COL2A1: variants seen among roughly 807,000 people sequenced by gnomAD.
COL2A1 encodes the protein collagen type II alpha 1 chain.
COL2A1 carries 28 observed loss-of-function variants against 204.5 expected under a neutral mutation model. The ratio of observed to expected loss-of-function variants is 0.14; its 90% CI spans 0.10 to 0.19. The LOEUF (loss-of-function observed/expected upper bound fraction) is 0.19, where lower values mean the gene tolerates loss of function less well. Among genes scored for constraint, COL2A1 ranks in the 10% least tolerant of loss-of-function variants. The probability of loss-of-function intolerance (pLI) is 1.00; values close to 1 mark genes in which losing one functional copy is unlikely to be tolerated. For synonymous variants in COL2A1, 708 were observed against 718.7 expected, an observed-to-expected ratio of 0.99 and a Z score of 0.24; for missense variants, 1,388 against 2,027.5, an observed-to-expected ratio of 0.68 and a Z score of 6.06.
chr12:47,991,865 A>T (rs1939724713), intron 16 of COL2A1, among the ~76,000 whole-genome samples: 1 of 152,044 alleles, frequency 6.6e-6, no homozygotes, highest in African/African-American at 2.4e-5. Flanking sequence ...ACACAAAGTG[A>T]CCCTGGGGCA....
intron 21 of COL2A1, 82 bp from the exon 22 acceptor site, chr12:47,986,970 C>G: frequency 1.3e-6 from 2 of 1,594,436 alleles, no homozygotes; most frequent in African/African-American, 2.7e-5. Flanking sequence ...AAGATGCCCT[C>G]GGATGGAGGC....
At chr12:47,977,975 C>A in intron 44 of COL2A1, 35 bp downstream of exon 44, 1 of 1,574,470 alleles carries the variant, frequency 6.4e-7, no homozygotes, top group Non-Finnish European at 8.7e-7. Context: ...CCCCTCTCCC[C>A]AATCAGGGCC....
chr12:47,995,016 G>A (rs1002250566), intron 11 of COL2A1, among the ~76,000 whole-genome samples: 3 of 151,982 alleles, frequency 2.0e-5, no homozygotes, highest in Non-Finnish European at 2.9e-5. Flanking sequence ...CCCTTCCTGG[G>A]GCTAATGATG....
chr12:47,980,986 A>G lies in COL2A1; in HGVS notation c.2464-18T>C, dbSNP rs1416092489. ...CGTTCACCCTGTGAGAGAAGGGGGC[A>G]TGGCGAGAGGTCAGGCCCCGCTGCC... On this transcript the variant is annotated intron_variant, in intron 37 of 53. Coordinates refer to ENST00000380518, the MANE Select transcript of COL2A1 (RefSeq NM_001844.5). This position sits in a 1 kb window ranked among gnomAD's most constrained non-coding sequence, Gnocchi z 4.5. The G allele has an allele frequency of 5.8e-6, 9 of 1,550,076 alleles. No homozygotes were observed. Among genetic ancestry groups the G allele is most frequent in the East Asian group, 2.4e-5 (1 of 40,900 alleles).
At position 47,978,222 on chromosome 12, in the gene COL2A1, G is replaced by A; in HGVS notation, c.3003+69C>T. On this transcript the variant is annotated intron_variant, in intron 43 of 53. Coordinates refer to ENST00000380518, the MANE Select transcript of COL2A1 (RefSeq NM_001844.5). This position sits in a 1 kb window ranked among gnomAD's most constrained non-coding sequence, Gnocchi z 5.5. ...GCAGACAAGGGACAGTCCTGAGGGT[G>A]CTGAGGGAGGTAGAAGCCTTGGCAG... 2 of 1,591,166 alleles carry A rather than the reference G, an allele frequency of 1.3e-6. No individual in the cohort carries two copies. The highest frequency in any genetic ancestry group is 1.1e-5 in the South Asian group (1 of 89,460).
intron 8 of COL2A1, 81 bp downstream of exon 8, chr12:47,996,467 G>T: frequency 8.9e-7 from 1 of 1,121,922 alleles, no homozygotes; most frequent in Non-Finnish European, 1.4e-6. Context: ...TATCTGTAAA[G>T]CAGAGGTTGT....
Position 47,987,531 on chromosome 12 carries a change from T to G in COL2A1, c.1221+80A>C. On this transcript the variant is annotated intron_variant, in intron 19 of 53. Transcript: ENST00000380518. The surrounding 1 kb of genome is among the most constrained non-coding windows in gnomAD (Gnocchi z 4.1). ...AGGTTTGGTGGTTGGAGCCCACAAC[T>G]GTCAGAGCAAAGTACAGAGTCAAGA... is the stretch of plus-strand genomic sequence containing the variant. The G allele has an allele frequency of 7.6e-7, 1 of 1,315,994 alleles. No individual in the cohort carries two copies. 81.5% of individuals were successfully genotyped at this position (1,315,994 alleles called of 1,614,324 possible).
chr12:47,976,578 G>A lies in COL2A1; in HGVS notation c.3436-11C>T, dbSNP rs749301718. The A allele has an allele frequency of 2.5e-6, 4 of 1,614,164 alleles. No individual in the cohort carries two copies. Among genetic ancestry groups the A allele is most frequent in the Non-Finnish European group, 3.4e-6 (4 of 1,180,020 alleles). ...GTCTCCAGAAGGACCCTGTGTAGAAGGAAGAGGCAAAAGGCCACGGTCAGC... is the reference window on the plus strand; with the variant it reads ...GTCTCCAGAAGGACCCTGTGTAGAAAGAAGAGGCAAAAGGCCACGGTCAGC... On this transcript the variant is annotated splice_polypyrimidine_tract_variant and intron_variant, in intron 48 of 53. Coordinates refer to ENST00000380518, the MANE Select transcript of COL2A1 (RefSeq NM_001844.5). The surrounding 1 kb of genome is among the most constrained non-coding windows in gnomAD (Gnocchi z 4.3).
In COL2A1 at chr12:47,987,840, A is replaced by T; in HGVS notation, c.1123-131T>A. 4 of 721,616 alleles carry T rather than the reference A, an allele frequency of 5.5e-6. No individual in the cohort carries two copies. Among genetic ancestry groups the T allele is most frequent in the Non-Finnish European group, 9.8e-6 (4 of 406,884 alleles). 44.7% of individuals were successfully genotyped at this position (721,616 alleles called of 1,614,324 possible). On this transcript the variant is annotated intron_variant, in intron 18 of 53. Transcript: ENST00000380518. This position sits in a 1 kb window ranked among gnomAD's most constrained non-coding sequence, Gnocchi z 4.1. ...GCACATGCACCCAACCCTGCACATG[A>T]ACATGTGCGTTCACACACAGTTCAC...
At chr12:47,985,175 C>T in intron 26 of COL2A1, 82 bp from the exon 27 acceptor site, 6 of 1,133,306 alleles carry the variant, frequency 5.3e-6, no homozygotes, top group South Asian at 1.3e-5. Context: ...GCCTACATGG[C>T]AGGCCCAGGA....
chr12:47,988,814 G>T (rs2136585635), intron 18 of COL2A1, among the ~76,000 whole-genome samples: 1 of 152,362 alleles, frequency 6.6e-6, no homozygotes, highest in Non-Finnish European at 1.5e-5. Flanking sequence ...GGGAGCAGGG[G>T]CTCCCTGCCT....
At chr12:47,991,392 A>T (rs796901368) in intron 16 of COL2A1, among the ~76,000 whole-genome samples, 6 of 152,288 alleles carry the variant, frequency 3.9e-5, no homozygotes, top group African/African-American at 1.4e-4. Context: ...CAGCCTTGAC[A>T]CTAGATCAGC....
Position 47,987,297 on chromosome 12 carries a change from T to C in COL2A1, c.1238A>G (p.Asp413Gly). Reference sequence around the variant, plus strand: ...AGATCCTTTGGCTCCAGGAATTCCATCTGTTCCAGGGTTACCCTGAAAAGG... The same window carrying C: ...AGATCCTTTGGCTCCAGGAATTCCACCTGTTCCAGGGTTACCCTGAAAAGG... The part of the protein sequence containing the change: ...PAGASGNPGT[D>G]GIPGAKGSAG... The change falls in exon 20 of 54, where the codon GAT becomes GGT. Residue 413 changes from aspartate (D) to glycine (G), a missense_variant. Coordinates refer to ENST00000380518, the MANE Select transcript of COL2A1 (RefSeq NM_001844.5). The surrounding 1 kb of genome is among the most constrained non-coding windows in gnomAD (Gnocchi z 4.1). 1 of 1,614,080 alleles carries C rather than the reference T, an allele frequency of 6.2e-7. No individual in the cohort carries two copies. The highest frequency in any genetic ancestry group is 1.7e-5 in the Admixed American group (1 of 60,012).
At position 47,983,533 on chromosome 12, in the gene COL2A1, C is replaced by A. The variant is rs555067833; in HGVS notation, c.1996-95G>T. ...ATAGGGCAGACCCAAAGAAAGGAAG[C>A]AGCAGCAGTGACAGCCAGGGGTGCA... On this transcript the variant is annotated intron_variant, in intron 30 of 53. Transcript: ENST00000380518. The A allele has an allele frequency of 4.1e-6, 6 of 1,475,708 alleles. No homozygotes were observed. In the East Asian group the frequency reaches 1.2e-4, roughly 28 times the overall value. 91.4% of individuals were successfully genotyped at this position (1,475,708 alleles called of 1,614,324 possible).
intron 1 of COL2A1, chr12:48,002,630 G>A (rs1940284378): frequency 6.6e-6 from 1 of 152,352 alleles, no homozygotes; most frequent in African/African-American, 2.4e-5. Flanking sequence ...TGGAGAATTT[G>A]AGAATTATTT....
Position 47,976,390 on chromosome 12 carries a change from A to G in COL2A1, c.3489+124T>C. On this transcript the variant is annotated intron_variant, in intron 49 of 53. Coordinates refer to ENST00000380518, the MANE Select transcript of COL2A1 (RefSeq NM_001844.5). The surrounding 1 kb of genome is among the most constrained non-coding windows in gnomAD (Gnocchi z 4.3). ...AGGCACATGAGCCAGTCCTGCCCCCATTACTGAGTGAGGACCCCTGAGCCC... is the reference window on the plus strand; with the variant it reads ...AGGCACATGAGCCAGTCCTGCCCCCGTTACTGAGTGAGGACCCCTGAGCCC... 3.6e-6 allele frequency: 4 copies of G among 1,105,178 alleles called. No homozygotes were observed. The highest frequency in any genetic ancestry group is 2.4e-5 in the East Asian group (1 of 41,338). 68.5% of individuals were successfully genotyped at this position (1,105,178 alleles called of 1,614,324 possible).
intron 1 of COL2A1, among the ~76,000 whole-genome samples, chr12:48,000,702 C>T (rs1940196671): frequency 6.6e-6 from 1 of 152,132 alleles, no homozygotes; most frequent in African/African-American, 2.4e-5. Context: ...AGCAGTGAGG[C>T]TCCAAAAATA....
rs1031679116 is a variant in COL2A1, at chr12:47,984,137, G to C, written c.1891C>G (p.Leu631Val). The C allele has an allele frequency of 6.2e-7, 1 of 1,613,578 alleles. No homozygotes were observed. The highest frequency in any genetic ancestry group is 8.5e-7 in the Non-Finnish European group (1 of 1,179,818). Residue 631 changes from leucine to valine, a missense_variant, in exon 29 of 54, where the codon CTT becomes GTT. Leu to Val is a conservative substitution (Grantham distance 32, BLOSUM62 1). Coordinates refer to ENST00000380518, the MANE Select transcript of COL2A1 (RefSeq NM_001844.5). ...GLPGAPGLRG[L>V]PGKDGETGAA... ...CCTGTCTCACCATCTTTGCCAGGAA[G>C]ACCCTAGACAGAAGAGAAAAAGAAA... is the stretch of plus-strand genomic sequence containing the variant.
intron 46 of COL2A1, 23 bp from the exon 47 acceptor site, chr12:47,977,178 G>A (rs765456914): frequency 2.3e-5 from 37 of 1,611,494 alleles, no homozygotes; most frequent in Middle Eastern, 1.6e-4. Context: ...TGAGCGCAGC[G>A]TCAGAGAAAA....
Sources: allele counts gnomAD v4.1 joint callset (sites outside exome capture counted in the v4.1 genomes callset), GRCh38; gene constraint gnomAD v4.1.1; non-coding constraint Gnocchi (gnomAD v3.1); transcripts MANE v1.5; gene names NCBI Gene and HGNC (gene_info 2026-07-23, HGNC 2026-07-21).